ALS2: variants seen among roughly 807,000 people sequenced by gnomAD.
ALS2 encodes the protein alsin Rho guanine nucleotide exchange factor ALS2, also known as alsin.
In ALS2, 117 loss-of-function variants were observed where a neutral mutation model predicts 203.4. The observed-to-expected ratio is 0.58, with a 90% confidence interval of 0.50 to 0.67. The LOEUF (loss-of-function observed/expected upper bound fraction) is 0.67, where lower values mean the gene tolerates loss of function less well. Ranked by LOEUF, ALS2 falls within the 30% of genes least tolerant of loss-of-function variation. ALS2 has a pLI of 0.00. For missense variants in ALS2, 1,715 were observed against 1,989.4 expected (o/e 0.86, Z 2.62); for synonymous variants, 718 against 725.9 (o/e 0.99, Z 0.17).
chr2:201,761,898 C>T (rs1478577073), intron 3 of ALS2, 80 bp from the exon 4 acceptor site: 2 of 1,459,270 alleles, frequency 1.4e-6, no homozygotes. Flanking sequence ...ACTTTTAGTC[C>T]CCTATAGATT....
intron 4 of ALS2, among the ~76,000 whole-genome samples, chr2:201,758,342 C>T (rs2349733): frequency 0.67 from 101,271 of 151,954 alleles, 34,411 homozygotes; most frequent in Admixed American, 0.76. Flanking sequence ...ATGCTCAACT[C>T]GAGTGCCTTT....
chr2:201,704,459 C>T lies in ALS2; in HGVS notation c.4833G>A (p.Arg1611=). ...CAAAGTCATAAAACAGTTACCTGGC[C>T]CGTAGCACCACATATAAGAAAACAG... The part of the protein sequence containing the change: ...LFPVFLYVVL[R]ARIRNLGSEV... The change falls in exon 32 of 34, where the codon CGG becomes CGA. Residue 1611 remains arginine (R), a synonymous_variant. Coordinates refer to ENST00000264276, the MANE Select transcript of ALS2 (RefSeq NM_020919.4). 6.2e-7 allele frequency: 1 copy of T among 1,614,014 alleles called. No homozygotes were observed. Among genetic ancestry groups the T allele is most frequent in the Non-Finnish European group, 8.5e-7 (1 of 1,179,994 alleles).
At position 201,760,261 on chromosome 2, in the gene ALS2, C is replaced by T. The variant is rs560981540; in HGVS notation, c.1113+620G>A. The T allele has an allele frequency of 2.7e-5, 24 of 876,038 alleles. No homozygotes were observed. In the South Asian group the frequency reaches 8.9e-4, roughly 33 times the overall value. The allele number at this position is 876,038 out of a possible 1,614,324, so 54.3% of individuals were successfully genotyped here. On this transcript the variant is annotated intron_variant, in intron 4 of 33. Transcript: ENST00000264276. ...GGGAGATCGAGGCTGCAGTGAGCCA[C>T]AATCGCATTACTGCACTCCAGCCTG...
At chr2:201,766,562 T>C (rs1170112550) in intron 3 of ALS2, among the ~76,000 whole-genome samples, 1 of 151,016 alleles carries the variant, frequency 6.6e-6, no homozygotes, top group Non-Finnish European at 1.5e-5. Flanking sequence ...GGCAGGAAAA[T>C]TGCTTGAACC....
intron 26 of ALS2, among the ~76,000 whole-genome samples, chr2:201,710,381 G>A (rs533318476): frequency 3.5e-4 from 52 of 150,688 alleles, no homozygotes; most frequent in African/African-American, 1.2e-3. Context: ...AGGATCAATT[G>A]AGCTCAGGAG....
At chr2:201,750,925 C>T (rs1217288317) in intron 7 of ALS2, among the ~76,000 whole-genome samples, 2 of 149,886 alleles carry the variant, frequency 1.3e-5, no homozygotes, top group Non-Finnish European at 2.9e-5. Flanking sequence ...GCAATCTTGG[C>T]TCACTGCAAC....
intron 29 of ALS2, among the ~76,000 whole-genome samples, chr2:201,705,688 C>T (rs1028435534): frequency 6.6e-6 from 1 of 152,072 alleles, no homozygotes; most frequent in African/African-American, 2.4e-5. Context: ...CAGATATTAC[C>T]AAATATTTTT....
chr2:201,725,079 C>T lies in ALS2; in HGVS notation c.3347+277G>A, dbSNP rs529379356. Among the ~76,000 whole-genome samples the T allele has an allele frequency of 6.7e-5, 10 of 149,886 alleles. No homozygotes were observed. In the South Asian group the frequency reaches 2.1e-3, roughly 32 times the overall value. On this transcript the variant is annotated intron_variant, in intron 20 of 33. Coordinates refer to ENST00000264276, the MANE Select transcript of ALS2 (RefSeq NM_020919.4). ...AGTGAGCCAAGATTGCGCCACTGCACTCCAGCCTGGGTGACAGAGCGAGAC... is the reference window on the plus strand; with the variant it reads ...AGTGAGCCAAGATTGCGCCACTGCATTCCAGCCTGGGTGACAGAGCGAGAC...
intron 8 of ALS2, among the ~76,000 whole-genome samples, chr2:201,748,049 A>AAC (rs58974856): frequency 0.036 from 5,430 of 151,392 alleles, 274 homozygotes; most frequent in African/African-American, 0.12. Context: ...ACTGATAGGC[A>AAC]ACACACACAC....
intron 23 of ALS2, among the ~76,000 whole-genome samples, chr2:201,718,864 G>A (rs1574686010): frequency 6.6e-6 from 1 of 152,024 alleles, no homozygotes; most frequent in Non-Finnish European, 1.5e-5. Flanking sequence ...GGAAGTTCTC[G>A]AATCAGTAAT....
chr2:201,764,578 G>C (rs1693967277), intron 3 of ALS2, among the ~76,000 whole-genome samples: 1 of 151,930 alleles, frequency 6.6e-6, no homozygotes, highest in African/African-American at 2.4e-5. Context: ...AGGTTGCAGT[G>C]AGCTGAGATC....
chr2:201,772,590 T>C (rs2106111827), intron 1 of ALS2, among the ~76,000 whole-genome samples: 1 of 152,314 alleles, frequency 6.6e-6, no homozygotes, highest in Admixed American at 6.5e-5. Flanking sequence ...TGTTATATAA[T>C]ATATAGTTTA....
At chr2:201,705,920 G>C (rs1181084020) in intron 29 of ALS2, among the ~76,000 whole-genome samples, 1 of 148,568 alleles carries the variant, frequency 6.7e-6, no homozygotes, top group Non-Finnish European at 1.5e-5. Context: ...CTGCACTCCA[G>C]CCAGGGCAAC....
At position 201,740,612 on chromosome 2, in the gene ALS2, T is replaced by C. The variant is rs142151681; in HGVS notation, c.2351+1062A>G. ...TTTATTTTTCATTTCTGAAAGATGA[T>C]GAGTTAAAATACTCAAACCAGGGTA... On this transcript the variant is annotated intron_variant, in intron 11 of 33. Coordinates refer to ENST00000264276, the MANE Select transcript of ALS2 (RefSeq NM_020919.4). Among the ~76,000 whole-genome samples, 380 of 152,312 alleles carry C rather than the reference T, an allele frequency of 2.5e-3. 2 individuals are homozygous for C. The highest frequency in any genetic ancestry group is 8.3e-3 in the African/African-American group (344 of 41,570).
chr2:201,761,015 T>C lies in ALS2; in HGVS notation c.979A>G (p.Thr327Ala), dbSNP rs918262232. The change falls in exon 4 of 34, where the codon ACA (threonine) becomes GCA (alanine). Residue 327 changes from threonine (T) to alanine (A), a missense_variant. Coordinates refer to ENST00000264276, the MANE Select transcript of ALS2 (RefSeq NM_020919.4). ...TTTCTGGCAGAGGAAATTTCAGTTG[T>C]TCCCATGACATTTTGTTGAGAGGAC... Reference protein sequence around the residue: ...AMSSQQNVMGTTEISSARNIP... With the variant: ...AMSSQQNVMGATEISSARNIP... The C allele has an allele frequency of 5.0e-6, 8 of 1,614,100 alleles. No individual in the cohort carries two copies. Among genetic ancestry groups the C allele is most frequent in the Middle Eastern group, 1.6e-4 (1 of 6,084 alleles).
At chr2:201,769,309 G>A (rs1020862612) in intron 1 of ALS2, among the ~76,000 whole-genome samples, 5 of 152,058 alleles carry the variant, frequency 3.3e-5, no homozygotes, top group African/African-American at 7.2e-5. Flanking sequence ...CTTTTTAAAC[G>A]CTCTGTCTGG....
chr2:201,702,066 G>A lies in ALS2; in HGVS notation c.4936-177C>T, dbSNP rs527458746. On this transcript the variant is annotated intron_variant, in intron 33 of 33. Transcript: ENST00000264276. ...CTTCTAGTTCCCCTATCTAGTGGCT[G>A]TCTTTTGCCTACTTGTAATTAGTAT... Among the ~76,000 whole-genome samples the A allele has an allele frequency of 4.7e-5, 7 of 148,276 alleles. No homozygotes were observed. The South Asian group carries it at 6.6e-4, about 14-fold the overall frequency.
rs764986141 is a variant in ALS2, at chr2:201,761,806, T to C, written c.188A>G (p.Tyr63Cys). The C allele has an allele frequency of 1.9e-6, 3 of 1,613,404 alleles. No individual in the cohort carries two copies. The highest frequency in any genetic ancestry group is 2.5e-6 in the Non-Finnish European group (3 of 1,179,942). Residue 63 changes from tyrosine to cysteine, a missense_variant, in exon 4 of 34, where the codon TAC (tyrosine) becomes TGC (cysteine). By Grantham distance (194) the Tyr-to-Cys change is radical. Coordinates refer to ENST00000264276, the MANE Select transcript of ALS2 (RefSeq NM_020919.4). ...TCTCCAGGGAAGAGTCCCAAAGCTGTAGACCTCACCATCTGAAGGTTAAAA... is the reference window on the plus strand; with the variant it reads ...TCTCCAGGGAAGAGTCCCAAAGCTGCAGACCTCACCATCTGAAGGTTAAAA... Reference protein sequence around the residue: ...GVLLTEDGEVYSFGTLPWRSG... With the variant: ...GVLLTEDGEVCSFGTLPWRSG...
chr2:201,753,625 G>C (rs1013925571), intron 6 of ALS2, among the ~76,000 whole-genome samples: 1 of 152,116 alleles, frequency 6.6e-6, no homozygotes, highest in African/African-American at 2.4e-5. Context: ...CACTACTTTA[G>C]ATAATCATTC....
Sources: gnomAD v4.1 joint callset for allele counts (sites outside exome capture counted in the v4.1 genomes callset) on GRCh38, gnomAD v4.1.1 for gene constraint, MANE v1.5 for transcripts, NCBI Gene and HGNC (gene_info 2026-07-23, HGNC 2026-07-21) for gene names.